Variants in FSTL5 observed in about 807,000 individuals in gnomAD.
FSTL5 encodes follistatin like 5.
FSTL5 carries 62 observed loss-of-function variants against 89.1 expected under a neutral mutation model. That is an observed-to-expected ratio of 0.70 (90% confidence interval 0.57 to 0.86). The LOEUF is 0.86. Among genes scored for constraint, FSTL5 ranks in the 40% least tolerant of loss-of-function variants. FSTL5 has a pLI of 0.00. For missense variants in FSTL5, 1,057 were observed against 1,001.6 expected (o/e 1.06, Z -0.75); for synonymous variants, 383 against 346.2 (o/e 1.11, Z -1.18).
At chr4:161,672,057 A>G (rs1332290163) in intron 6 of FSTL5, among the ~76,000 whole-genome samples, 1 of 152,318 alleles carries the variant, frequency 6.6e-6, no homozygotes, top group African/African-American at 2.4e-5. Flanking sequence ...ATTCAAATGT[A>G]TCTTTAACCA....
chr4:161,393,160 T>C (rs1367030327), intron 15 of FSTL5, among the ~76,000 whole-genome samples: 1 of 151,766 alleles, frequency 6.6e-6, no homozygotes, highest in African/African-American at 2.4e-5. Flanking sequence ...TGAGAATCTG[T>C]CTCAAAAAAA....
rs1297845347 is a variant in FSTL5 at position 161,534,727 on chromosome 4, C to T, written c.1312+3439G>A. On this transcript the variant is annotated intron_variant, in intron 10 of 15. Transcript: ENST00000306100. Reference sequence around the variant, plus strand: ...TCTCACAGTATTAGAAAAATCTATCCTCAAATTCATTTGGAACCAAAAGAG... The same window carrying T: ...TCTCACAGTATTAGAAAAATCTATCTTCAAATTCATTTGGAACCAAAAGAG... 2.6e-5 allele frequency among the ~76,000 whole-genome samples: 4 copies of T among 151,986 alleles called. No homozygotes were observed. The East Asian group carries it at 5.8e-4, about 22-fold the overall frequency.
chr4:162,052,373 T>A (rs1738406588), intron 2 of FSTL5, among the ~76,000 whole-genome samples: 1 of 151,606 alleles, frequency 6.6e-6, no homozygotes, highest in South Asian at 2.1e-4. Flanking sequence ...TTTCAGAAAA[T>A]AAACAGTTTC....
At chr4:161,626,569 A>C (rs1735323401) in intron 7 of FSTL5, among the ~76,000 whole-genome samples, 1 of 152,220 alleles carries the variant, frequency 6.6e-6, no homozygotes, top group Admixed American at 6.5e-5. Context: ...GTGCAAGGAT[A>C]TGAATCTTGC....
At chr4:162,019,558 G>C (rs893123592) in intron 3 of FSTL5, among the ~76,000 whole-genome samples, 1 of 151,842 alleles carries the variant, frequency 6.6e-6, no homozygotes, top group African/African-American at 2.4e-5. Context: ...ATGGTGGATT[G>C]TATTAAATAC....
intron 3 of FSTL5, among the ~76,000 whole-genome samples, chr4:161,931,161 A>T (rs1734274047): frequency 6.6e-6 from 1 of 151,894 alleles, no homozygotes. Context: ...TATGATTATG[A>T]TTGTTACAAG....
intron 4 of FSTL5, among the ~76,000 whole-genome samples, chr4:161,859,825 G>C (rs1045235936): frequency 6.6e-6 from 1 of 152,158 alleles, no homozygotes; most frequent in African/African-American, 2.4e-5. Flanking sequence ...GTGTTGGAAG[G>C]AAGTAGGACT....
chr4:161,439,894 A>G (rs1338080992), intron 15 of FSTL5, among the ~76,000 whole-genome samples: 1 of 152,116 alleles, frequency 6.6e-6, no homozygotes, highest in East Asian at 1.9e-4. Context: ...GTAGTTCCCC[A>G]AGTGAATGGC....
chr4:161,951,597 G>A (rs1578887248), intron 3 of FSTL5, among the ~76,000 whole-genome samples: 1 of 152,092 alleles, frequency 6.6e-6, no homozygotes, highest in Non-Finnish European at 1.5e-5. Context: ...TACTACATGT[G>A]TACTAACTAA....
intron 7 of FSTL5, among the ~76,000 whole-genome samples, chr4:161,615,351 A>AGCTACTT (rs1734821352): frequency 6.9e-6 from 1 of 144,284 alleles, no homozygotes; most frequent in African/African-American, 2.6e-5. Flanking sequence ...CAGTAGTCCC[A>AGCTACTT]GCTACTTGGG....
chr4:161,953,448 A>C (rs921450997), intron 3 of FSTL5, among the ~76,000 whole-genome samples: 1 of 151,638 alleles, frequency 6.6e-6, no homozygotes, highest in Non-Finnish European at 1.5e-5. Context: ...ATATAGGACA[A>C]CTTGCTTTAT....
intron 8 of FSTL5, among the ~76,000 whole-genome samples, chr4:161,558,248 G>T (rs1732461504): frequency 6.6e-6 from 1 of 151,802 alleles, no homozygotes; most frequent in African/African-American, 2.4e-5. Flanking sequence ...GAGTTGGTGG[G>T]AGTAGGAGAG....
chr4:161,639,453 C>A (rs1460367892), intron 7 of FSTL5, among the ~76,000 whole-genome samples: 1 of 151,934 alleles, frequency 6.6e-6, no homozygotes, highest in Non-Finnish European at 1.5e-5. Context: ...ATATATGACC[C>A]AAGTGTCTAA....
At chr4:162,142,023 A>G (rs572415721) in intron 1 of FSTL5, among the ~76,000 whole-genome samples, 1 of 152,172 alleles carries the variant, frequency 6.6e-6, no homozygotes, top group Non-Finnish European at 1.5e-5. Context: ...TCCAATGGGA[A>G]ATGAAGGTGC....
chr4:162,116,065 G>A (rs1408552495), intron 1 of FSTL5, among the ~76,000 whole-genome samples: 1 of 152,158 alleles, frequency 6.6e-6, no homozygotes, highest in Non-Finnish European at 1.5e-5. Context: ...GTTGCAGAGA[G>A]GTTAAGTATC....
At chr4:161,532,205 A>C (rs1216127159) in intron 10 of FSTL5, among the ~76,000 whole-genome samples, 2 of 152,230 alleles carry the variant, frequency 1.3e-5, no homozygotes, top group Non-Finnish European at 2.9e-5. Context: ...ATCTCCAAAA[A>C]AAAAAAAAGA....
intron 1 of FSTL5, among the ~76,000 whole-genome samples, chr4:162,133,478 T>G (rs959718389): frequency 6.6e-6 from 1 of 152,202 alleles, no homozygotes; most frequent in African/African-American, 2.4e-5. Context: ...TTCAATGCTT[T>G]CTTTCTCTTC....
chr4:161,435,888 T>TC (rs1047355773), intron 15 of FSTL5, among the ~76,000 whole-genome samples: 1 of 151,938 alleles, frequency 6.6e-6, no homozygotes, highest in African/African-American at 2.4e-5. Flanking sequence ...CAACTGGACT[T>TC]CCCCCCAAAG....
At chr4:162,146,023 C>A (rs1439718134) in intron 1 of FSTL5, among the ~76,000 whole-genome samples, 7 of 152,092 alleles carry the variant, frequency 4.6e-5, no homozygotes, top group African/African-American at 1.7e-4. Flanking sequence ...TTCACAGTTT[C>A]ATAATAATAG....
Sources: gnomAD v4.1 joint callset for allele counts (sites outside exome capture counted in the v4.1 genomes callset) on GRCh38, gnomAD v4.1.1 for gene constraint, MANE v1.5 for transcripts, NCBI Gene and HGNC (gene_info 2026-07-23, HGNC 2026-07-21) for gene names.